The following SLC35F4 variants were observed in gnomAD, a reference collection of about 807,000 sequenced individuals.
SLC35F4 encodes chromosome 14 open reading frame 36.
Under a neutral mutation model 44.2 loss-of-function variants are expected in SLC35F4, and 24 were observed. The observed-to-expected ratio is 0.54, with a 90% CI of 0.39 to 0.76. The LOEUF is 0.76. Ranked by LOEUF, SLC35F4 falls within the 30% of genes least tolerant of loss-of-function variation. SLC35F4 has a pLI of 0.00. For synonymous variants in SLC35F4, 238 were observed against 223.6 expected (o/e 1.06, Z -0.57); for missense variants, 562 against 586.1 (o/e 0.96, Z 0.42).
At chr14:57,922,945 GAT>G (rs1036808934) in intron 1 of SLC35F4, among the ~76,000 whole-genome samples, 2 of 152,194 alleles carry the variant, frequency 1.3e-5, no homozygotes, top group African/African-American at 4.8e-5. Flanking sequence ...CAATGAAGTA[GAT>G]TTAATGGGAA....
intron 1 of SLC35F4, among the ~76,000 whole-genome samples, chr14:57,731,657 G>T (rs1385569793): frequency 6.6e-6 from 1 of 152,136 alleles, no homozygotes; most frequent in East Asian, 1.9e-4. Context: ...TTTAATCTGA[G>T]AATCTTCCTG....
At chr14:57,937,586 G>GAAAGAAAAGAAAAGAAAAGA (rs67004414) in intron 1 of SLC35F4, among the ~76,000 whole-genome samples, 26 of 114,008 alleles carry the variant, frequency 2.3e-4, no homozygotes, top group South Asian at 6.5e-4. Flanking sequence ...GAAAAGAAAA[G>GAAAGAAAAGAAAAGAAAAGA]AAAGAAAAGA....
chr14:57,676,435 G>A (rs2074695145), intron 1 of SLC35F4, among the ~76,000 whole-genome samples: 1 of 152,066 alleles, frequency 6.6e-6, no homozygotes, highest in Non-Finnish European at 1.5e-5. Context: ...GGGGATGGGG[G>A]AAGAGAGAGC....
At chr14:57,732,477 A>G (rs186618396) in intron 1 of SLC35F4, among the ~76,000 whole-genome samples, 23 of 152,336 alleles carry the variant, frequency 1.5e-4, no homozygotes, top group Admixed American at 1.2e-3. Flanking sequence ...GGTAATTAAG[A>G]CAAGCTAAAT....
intron 1 of SLC35F4, among the ~76,000 whole-genome samples, chr14:57,736,743 T>A (rs1468871900): frequency 6.6e-6 from 1 of 152,238 alleles, no homozygotes; most frequent in African/African-American, 2.4e-5. Context: ...TCACAGGCTA[T>A]GCAGAAAGCA....
At chr14:57,737,731 G>C (rs1215079370) in intron 1 of SLC35F4, among the ~76,000 whole-genome samples, 1 of 152,182 alleles carries the variant, frequency 6.6e-6, no homozygotes, top group Non-Finnish European at 1.5e-5. Context: ...CTTTTTCAAA[G>C]AGTGATGAAA....
chr14:57,879,949 AT>A (rs1888483768), intron 1 of SLC35F4, among the ~76,000 whole-genome samples: 2 of 151,134 alleles, frequency 1.3e-5, no homozygotes, highest in African/African-American at 4.9e-5. Context: ...GTGGGGAGGG[AT>A]TAAAGAAGGA....
At chr14:57,692,623 T>C (rs2075268714) in intron 1 of SLC35F4, among the ~76,000 whole-genome samples, 2 of 152,160 alleles carry the variant, frequency 1.3e-5, no homozygotes, top group Admixed American at 1.3e-4. Flanking sequence ...TTTTAAATTT[T>C]CTGCTTATTG....
At chr14:57,746,829 A>G (rs1413452175) in intron 1 of SLC35F4, among the ~76,000 whole-genome samples, 1 of 152,140 alleles carries the variant, frequency 6.6e-6, no homozygotes, top group East Asian at 1.9e-4. Context: ...AAGTTAGAGA[A>G]AATATGTTTT....
chr14:57,767,025 C>T (rs1454921167), intron 1 of SLC35F4, among the ~76,000 whole-genome samples: 1 of 152,082 alleles, frequency 6.6e-6, no homozygotes, highest in Non-Finnish European at 1.5e-5. Context: ...AGGATCAATC[C>T]ATCAGGAAGA....
chr14:57,834,978 G>A (rs1019579569), intron 1 of SLC35F4, among the ~76,000 whole-genome samples: 31 of 152,192 alleles, frequency 2.0e-4, no homozygotes, highest in African/African-American at 6.5e-4. Flanking sequence ...GCAGTGGGCC[G>A]AGATCGCACC....
intron 1 of SLC35F4, among the ~76,000 whole-genome samples, chr14:57,704,404 C>A (rs1334428833): frequency 6.6e-6 from 1 of 152,144 alleles, no homozygotes; most frequent in Non-Finnish European, 1.5e-5. Flanking sequence ...GATAGTAATT[C>A]TTGCCTTTAA....
downstream of SLC35F4, among the ~76,000 whole-genome samples, chr14:57,973,177 C>T (rs1484304892): frequency 6.6e-6 from 1 of 152,146 alleles, no homozygotes; most frequent in Non-Finnish European, 1.5e-5. Flanking sequence ...TTCTATTCTG[C>T]CCTATTCTCA....
intron 1 of SLC35F4, among the ~76,000 whole-genome samples, chr14:57,613,107 C>T (rs535809943): frequency 6.6e-6 from 1 of 152,274 alleles, no homozygotes; most frequent in East Asian, 1.9e-4. Flanking sequence ...GGAGTCCCTG[C>T]TTCTCTGTCT....
chr14:57,905,465 G>A (rs1889088353), intron 1 of SLC35F4, among the ~76,000 whole-genome samples: 1 of 152,236 alleles, frequency 6.6e-6, no homozygotes, highest in South Asian at 2.1e-4. Context: ...GTCAGGATCT[G>A]CAGGGGAATC....
intron 1 of SLC35F4, among the ~76,000 whole-genome samples, chr14:57,639,609 T>C (rs991629057): frequency 2.6e-5 from 4 of 152,014 alleles, no homozygotes; most frequent in African/African-American, 4.8e-5. Flanking sequence ...TAATTCCATA[T>C]CAAAATAATT....
intron 1 of SLC35F4, among the ~76,000 whole-genome samples, chr14:57,621,899 A>C (rs2072201618): frequency 6.6e-6 from 1 of 150,942 alleles, no homozygotes; most frequent in African/African-American, 2.4e-5. Flanking sequence ...AATGGGAGAA[A>C]ATTTTTGCAA....
intron 1 of SLC35F4, among the ~76,000 whole-genome samples, chr14:57,749,842 A>G (rs747427307): frequency 2.6e-5 from 4 of 152,226 alleles, no homozygotes; most frequent in Non-Finnish European, 5.9e-5. Context: ...CTTAATATTC[A>G]TTCCCAAGTA....
At chr14:57,771,203 CTTA>C (rs1384374406) in intron 1 of SLC35F4, among the ~76,000 whole-genome samples, 2 of 152,222 alleles carry the variant, frequency 1.3e-5, no homozygotes, top group Non-Finnish European at 2.9e-5. Flanking sequence ...TCACTCTGCA[CTTA>C]TTAATTGTAC....
Sources: allele counts gnomAD v4.1 joint callset (sites outside exome capture counted in the v4.1 genomes callset), GRCh38; gene constraint gnomAD v4.1.1; transcripts MANE v1.5; gene names NCBI Gene and HGNC (gene_info 2026-07-23, HGNC 2026-07-21).